ANKRD24: variants seen among roughly 807,000 people sequenced by gnomAD.
ANKRD24 encodes the protein ankyrin repeat domain 24.
In ANKRD24, 109 loss-of-function variants were observed where a neutral mutation model predicts 127.8. The observed-to-expected ratio is 0.85, with a 90% confidence interval of 0.73 to 1.00. The LOEUF (loss-of-function observed/expected upper bound fraction) is 1.00. Ranked by LOEUF, ANKRD24 falls within the 50% of genes least tolerant of loss-of-function variation. The pLI, the probability that ANKRD24 is intolerant of heterozygous loss-of-function variation, is 0.00. For missense variants in ANKRD24, 1,648 were observed against 1,570.2 expected (o/e 1.05, Z -0.84); for synonymous variants, 743 against 671.1 (o/e 1.11, Z -1.66).
chr19:4,199,502 A>C lies in ANKRD24; in HGVS notation c.37-181A>C, dbSNP rs572480178. ...GCTGGGACTACAGGCGTGAGCCTCC[A>C]TGCTCAGCCCAGGGGACAACGTTTT... is the stretch of plus-strand genomic sequence containing the variant. On this transcript the variant is annotated intron_variant, in intron 2 of 21. Transcript: ENST00000318934. The surrounding 1 kb of genome is among the most constrained non-coding windows in gnomAD (Gnocchi z 5.2). 1 of 985,432 alleles carries C rather than the reference A, an allele frequency of 1.0e-6. No individual in the cohort carries two copies. The allele number at this position is 985,432 out of a possible 1,614,324, so 61.0% of individuals were successfully genotyped here. A position where few individuals can be genotyped will look rare whatever the true frequency, so the allele number is the denominator to read the frequency against.
At chr19:4,203,053 T>A in intron 7 of ANKRD24, 127 bp downstream of exon 7, 10 of 234,002 alleles carry the variant, frequency 4.3e-5, no homozygotes, top group Non-Finnish European at 6.5e-5. Context: ...TCTTTCTTTC[T>A]TTTTTTTTTT....
chr19:4,208,955 G>T lies in ANKRD24; in HGVS notation c.870+154G>T, dbSNP rs574476336. 5.3e-4 allele frequency: 417 copies of T among 786,090 alleles called. 2 individuals carry two copies. The highest frequency in any genetic ancestry group is 2.8e-3 in the Admixed American group (104 of 37,542). The allele number at this position is 786,090 out of a possible 1,614,324, so 48.7% of individuals were successfully genotyped here. On this transcript the variant is annotated intron_variant, in intron 11 of 21. Coordinates refer to ENST00000318934, the MANE Select transcript of ANKRD24 (RefSeq NM_001393985.1). ...TCAGGGTATGCTGCCACCAAGTGGCGGCAGTGTGCTCAGCCTAACTCCCAG... is the reference window on the plus strand; with the variant it reads ...TCAGGGTATGCTGCCACCAAGTGGCTGCAGTGTGCTCAGCCTAACTCCCAG...
rs1337010034 is a variant in ANKRD24, at chr19:4,202,097, T to G, written c.408+7T>G. On this transcript the variant is annotated splice_region_variant and intron_variant, in intron 6 of 21. Coordinates refer to ENST00000318934, the MANE Select transcript of ANKRD24 (RefSeq NM_001393985.1). ...CTTGAAGCAACTACTGCAGGTCATT[T>G]ACTGTCTTATCTCAGCTACTCCCTT... 2.5e-6 allele frequency: 4 copies of G among 1,613,576 alleles called. No individual in the cohort carries two copies.
At chr19:4,220,192 C>T (rs540149886) in intron 19 of ANKRD24, among the ~76,000 whole-genome samples, 1 of 152,186 alleles carries the variant, frequency 6.6e-6, no homozygotes, top group African/African-American at 2.4e-5. Flanking sequence ...AGGCTGGTCT[C>T]GAACTCCTGA....
rs999650892 is a variant in ANKRD24 at position 4,210,430 on chromosome 19, T to C, written c.1059+58T>C. The C allele has an allele frequency of 2.2e-6, 3 of 1,381,548 alleles. No homozygotes were observed. In the African/African-American group the frequency reaches 4.4e-5, roughly 20 times the overall value. The allele number at this position is 1,381,548 out of a possible 1,614,324, so 85.6% of individuals were successfully genotyped here. A position where few individuals can be genotyped will look rare whatever the true frequency, so the allele number is the denominator to read the frequency against. ...AGCCTGGGTGGGGTCAATGCAGGCA[T>C]GAAGATCCCCCTACTTTTCTCCCAC... On this transcript the variant is annotated intron_variant, in intron 13 of 21. Coordinates refer to ENST00000318934, the MANE Select transcript of ANKRD24 (RefSeq NM_001393985.1).
chr19:4,201,459 T>G (rs1027567210), intron 5 of ANKRD24, among the ~76,000 whole-genome samples: 1 of 151,658 alleles, frequency 6.6e-6, no homozygotes, highest in African/African-American at 2.4e-5. Context: ...TCTGGGGACA[T>G]GGGGAGTAGC....
At chr19:4,183,711 C>T (rs541007915) in intron 1 of ANKRD24, among the ~76,000 whole-genome samples, 2 of 152,032 alleles carry the variant, frequency 1.3e-5, no homozygotes, top group South Asian at 2.1e-4. Context: ...ATTGGGAGTT[C>T]GAGACCACCC....
Position 4,199,811 on chromosome 19 carries a change from T to TC in ANKRD24, c.123+43dup. On this transcript the variant is annotated intron_variant, in intron 3 of 21. Coordinates refer to ENST00000318934, the MANE Select transcript of ANKRD24 (RefSeq NM_001393985.1). The surrounding 1 kb of genome is among the most constrained non-coding windows in gnomAD (Gnocchi z 5.2). The stretch of plus-strand genomic sequence containing the variant: ...AGGTGGTGAGAGCCCGGAGCCCCTG[T>TC]CGGGGGCGTGGGGAGGGGACAGCAG... 6.7e-7 allele frequency: 1 copy of TC among 1,502,240 alleles called. No individual in the cohort carries two copies. Among genetic ancestry groups the TC allele is most frequent in the Non-Finnish European group, 8.9e-7 (1 of 1,123,614 alleles). The allele number at this position is 1,502,240 out of a possible 1,614,324, so 93.1% of individuals were successfully genotyped here.
chr19:4,185,766 C>T, intron 1 of ANKRD24, among the ~76,000 whole-genome samples: 1 of 152,230 alleles, frequency 6.6e-6, no homozygotes, highest in East Asian at 1.9e-4. Flanking sequence ...TCAGCCCTGG[C>T]TTCAGTCCCC....
rs142230085 is a variant in ANKRD24, at chr19:4,195,225, A to G, written c.37-4458A>G. ...GTAGCTGGGACTACAGGCGCCCACC[A>G]CCACGCCCGGCTAATTTTTTGTATT... On this transcript the variant is annotated intron_variant, in intron 2 of 21. Coordinates refer to ENST00000318934, the MANE Select transcript of ANKRD24 (RefSeq NM_001393985.1). This position sits in a 1 kb window ranked among gnomAD's most constrained non-coding sequence, Gnocchi z 4.2. 0.021 allele frequency among the ~76,000 whole-genome samples: 3,146 copies of G among 151,874 alleles called. 97 individuals carry two copies. Among genetic ancestry groups the G allele is most frequent in the African/African-American group, 0.072 (2,979 of 41,394 alleles).
At chr19:4,201,836 A>G (rs1336537328) in intron 5 of ANKRD24, among the ~76,000 whole-genome samples, 190 bp from the exon 6 acceptor site, 2 of 152,114 alleles carry the variant, frequency 1.3e-5, no homozygotes, top group Non-Finnish European at 2.9e-5. Context: ...ACAGTGAGCT[A>G]TGATCACACT....
rs71166978 is a variant in ANKRD24 at position 4,215,775 on chromosome 19, C to CAA, written c.1198-191_1198-190dup. Among the ~76,000 whole-genome samples, 184 of 141,352 alleles carry CAA rather than the reference C, an allele frequency of 1.3e-3. 1 individual carries two copies. The highest frequency in any genetic ancestry group is 3.7e-3 in the Middle Eastern group (1 of 272). The allele number at this position is 141,352 out of a possible 152,430, so 92.7% of individuals were successfully genotyped here. On this transcript the variant is annotated intron_variant, in intron 15 of 21. Transcript: ENST00000318934. Reference sequence around the variant, plus strand: ...GGGTGACAGAGTAAGACCCTGGCTCCAAAAAAAAAAAAAGTGGCACGGGGA... The same window carrying CAA: ...GGGTGACAGAGTAAGACCCTGGCTCCAAAAAAAAAAAAAAAGTGGCACGGGGA...
chr19:4,203,626 G>A (rs1461081438), intron 7 of ANKRD24, among the ~76,000 whole-genome samples: 1 of 152,116 alleles, frequency 6.6e-6, no homozygotes, highest in African/African-American at 2.4e-5. Flanking sequence ...TGGAATTACA[G>A]GCGTGAGCCA....
At chr19:4,189,974 G>A (rs190975499) in intron 2 of ANKRD24, among the ~76,000 whole-genome samples, 90 of 152,250 alleles carry the variant, frequency 5.9e-4, no homozygotes, top group Middle Eastern at 6.8e-3. Flanking sequence ...GACAGACAGC[G>A]GGAGAGAAAG....
At position 4,202,877 on chromosome 19, in the gene ANKRD24, C is replaced by A. The variant is rs776679160; in HGVS notation, c.417C>A (p.Cys139Ter). The change falls in exon 7 of 22, where the codon TGC (cysteine) becomes TGA (stop). Residue 139 changes from cysteine to a stop codon, truncating the protein, a stop_gained. Transcript: ENST00000318934. LOFTEE classifies it high-confidence loss of function. ...QCLKQLLQAS[C>*]VVDVVDSSGW... ...ACTCGCCCCATCCCCAGGCTTCCTG[C>A]GTGGTGGACGTCGTGGACAGCAGCG... The A allele has an allele frequency of 6.3e-7, 1 of 1,590,092 alleles. No individual in the cohort carries two copies. The highest frequency in any genetic ancestry group is 8.6e-7 in the Non-Finnish European group (1 of 1,168,582).
At chr19:4,214,293 G>A (rs952775107) in intron 15 of ANKRD24, among the ~76,000 whole-genome samples, 2 of 151,572 alleles carry the variant, frequency 1.3e-5, no homozygotes, top group African/African-American at 4.9e-5. Flanking sequence ...TCAGCCTCCC[G>A]AGTAGCTGGG....
chr19:4,224,390 G>C (rs752810406), intron 21 of ANKRD24, 38 bp from the exon 22 acceptor site: 1 of 1,600,354 alleles, frequency 6.2e-7, no homozygotes, highest in African/African-American at 1.3e-5. Context: ...AGCCATGGAG[G>C]GTATACTCAG....
rs375445915 is a variant in ANKRD24 at position 4,219,705 on chromosome 19, G to A, written c.3118G>A (p.Ala1040Thr). Residue 1040 changes from alanine to threonine, a missense_variant, in exon 19 of 22, where the codon GCC (alanine) becomes ACC (threonine). Physicochemically the swap from Ala to Thr is moderately conservative, Grantham distance 58. Coordinates refer to ENST00000318934, the MANE Select transcript of ANKRD24 (RefSeq NM_001393985.1). ...GACCGAGGCGGAAAGGGCTCGCCAG[G>A]CCCAGAGCCGGGCCCAGGAGGCTCT... ...LRTEAERARQ[A>T]QSRAQEALDK... is the part of the protein sequence containing the mutation. 13 of 1,613,470 alleles carry A rather than the reference G, an allele frequency of 8.1e-6. No individual in the cohort carries two copies. Among genetic ancestry groups the A allele is most frequent in the Admixed American group, 5.0e-5 (3 of 59,968 alleles).
At chr19:4,191,555 C>T (rs1293555191) in intron 2 of ANKRD24, among the ~76,000 whole-genome samples, 1 of 152,020 alleles carries the variant, frequency 6.6e-6, no homozygotes, top group African/African-American at 2.4e-5. Flanking sequence ...GATCTCGGCT[C>T]ACTGCAAGCT....
Sources: allele counts gnomAD v4.1 joint callset (sites outside exome capture counted in the v4.1 genomes callset), GRCh38; gene constraint gnomAD v4.1.1; non-coding constraint Gnocchi (gnomAD v3.1); transcripts MANE v1.5; gene names NCBI Gene and HGNC (gene_info 2026-07-23, HGNC 2026-07-21).